The following MON2 variants were observed in gnomAD, a reference collection of about 807,000 sequenced individuals.
MON2 encodes the protein MON2 regulator of endosome-to-Golgi trafficking.
In MON2, 84 loss-of-function variants were observed where a neutral mutation model predicts 208.6. The ratio of observed to expected loss-of-function variants is 0.40; its 90% CI spans 0.34 to 0.48. MON2 has a LOEUF of 0.48. Ranked by LOEUF, MON2 falls within the 20% of genes least tolerant of loss-of-function variation. The pLI is 0.59. For synonymous variants in MON2, 660 were observed against 694.0 expected, an observed-to-expected ratio of 0.95 and a Z score of 0.77; for missense variants, 1,611 against 2,015.4, an observed-to-expected ratio of 0.80 and a Z score of 3.84.
At chr12:62,469,906 A>G (rs1565946318) in intron 1 of MON2, among the ~76,000 whole-genome samples, 1 of 32,282 alleles carries the variant, frequency 3.1e-5, no homozygotes, top group Non-Finnish European at 6.2e-5. Context: ...TTATTTATTT[A>G]TTTATTTATT....
intron 12 of MON2, among the ~76,000 whole-genome samples, chr12:62,533,360 T>G (rs1297462577): frequency 6.6e-6 from 1 of 152,246 alleles, no homozygotes; most frequent in East Asian, 1.9e-4. Flanking sequence ...GGAAAAATAC[T>G]TTCAGATTGC....
chr12:62,557,330 T>G (rs2074004959), intron 25 of MON2, among the ~76,000 whole-genome samples: 1 of 152,190 alleles, frequency 6.6e-6, no homozygotes, highest in Non-Finnish European at 1.5e-5. Flanking sequence ...ATAAGACATT[T>G]GGCAATTTTG....
rs867925865 is a variant in MON2, at chr12:62,560,637, G to C, written c.3556G>C (p.Glu1186Gln). 6.2e-7 allele frequency: 1 copy of C among 1,614,050 alleles called. No homozygotes were observed. Among genetic ancestry groups the C allele is most frequent in the South Asian group, 1.1e-5 (1 of 91,074 alleles). ...CCCTGTCAGAGACTCAGATAAGCCT[G>C]AGACACCACCTGTAGTTAATGTACC... ...VSPVRDSDKPETPPVVNVPVP... is the reference protein window; with the variant it reads ...VSPVRDSDKPQTPPVVNVPVP... The change falls in exon 26 of 35, where the codon GAG becomes CAG. Residue 1186 changes from glutamate to glutamine, a missense_variant. Physicochemically the swap from Glu to Gln is conservative, Grantham distance 29 (BLOSUM62 2). Coordinates refer to ENST00000393630, the MANE Select transcript of MON2 (RefSeq NM_015026.3).
chr12:62,580,245 T>G, intron 31 of MON2, 52 bp from the exon 32 acceptor site: 1 of 1,542,770 alleles, frequency 6.5e-7, no homozygotes, highest in East Asian at 2.3e-5. Flanking sequence ...AGAAATTATT[T>G]TAGTCTCTTT....
chr12:62,503,393 A>G lies in MON2; in HGVS notation c.789+1695A>G, dbSNP rs547826792. Among the ~76,000 whole-genome samples the G allele has an allele frequency of 2.0e-5, 3 of 152,266 alleles. No homozygotes were observed. In the South Asian group the frequency reaches 6.2e-4, roughly 32 times the overall value. On this transcript the variant is annotated intron_variant, in intron 7 of 34. Coordinates refer to ENST00000393630, the MANE Select transcript of MON2 (RefSeq NM_015026.3). ...CCAATCAGTTCTTACCACTTCTACA[A>G]TTATTCTAGTCTAAGCTACCATCAC...
chr12:62,576,167 A>G (rs1036373636), intron 30 of MON2, among the ~76,000 whole-genome samples: 2 of 152,178 alleles, frequency 1.3e-5, no homozygotes, highest in East Asian at 3.8e-4. Flanking sequence ...GCATGCTCAA[A>G]CATGGATGAA....
At position 62,598,097 on chromosome 12, in the gene MON2, A is replaced by G. The variant is rs985653598; in HGVS notation, c.*5348A>G. On this transcript the variant is annotated 3_prime_UTR_variant, in exon 35 of 35. Coordinates refer to ENST00000393630, the MANE Select transcript of MON2 (RefSeq NM_015026.3). ...TATTTTCATTTTTCTGTTGCAAAGC[A>G]GTCTTTGATGGAAGACCCGGAATCT... The G allele has an allele frequency of 2.6e-5, 4 of 152,162 alleles. No homozygotes were observed. The highest frequency in any genetic ancestry group is 2.6e-4 in the Admixed American group (4 of 15,274). 9.4% of individuals were successfully genotyped at this position (152,162 alleles called of 1,614,324 possible). A position where few individuals can be genotyped will look rare whatever the true frequency, so the allele number is the denominator to read the frequency against.
At chr12:62,495,663 C>A (rs1312063830) in intron 4 of MON2, among the ~76,000 whole-genome samples, 1 of 140,754 alleles carries the variant, frequency 7.1e-6, no homozygotes, top group Non-Finnish European at 1.5e-5. Context: ...GCACTCCAGC[C>A]TGGGCGACAG....
intron 27 of MON2, among the ~76,000 whole-genome samples, 166 bp downstream of exon 27, chr12:62,565,546 G>T (rs2074348518): frequency 6.6e-6 from 1 of 152,024 alleles, no homozygotes; most frequent in African/African-American, 2.4e-5. Context: ...ATATTGTTTG[G>T]GAAACTAGTT....
At position 62,597,851 on chromosome 12, in the gene MON2, G is replaced by C. The variant is rs1299535301; in HGVS notation, c.*5102G>C. On this transcript the variant is annotated 3_prime_UTR_variant, in exon 35 of 35. Transcript: ENST00000393630. ...GAGTATCACTTGAGGCCAGGAGTTT[G>C]AGACTAGCCTAGACAACATAGCAAG... The C allele has an allele frequency of 6.6e-6, 1 of 152,120 alleles. No individual in the cohort carries two copies. The highest frequency in any genetic ancestry group is 1.5e-5 in the Non-Finnish European group (1 of 68,044). 9.4% of individuals were successfully genotyped at this position (152,120 alleles called of 1,614,324 possible).
intron 8 of MON2, 47 bp from the exon 9 acceptor site, chr12:62,524,465 ATTC>A: frequency 6.8e-7 from 1 of 1,463,896 alleles, no homozygotes; most frequent in Non-Finnish European, 9.5e-7. Flanking sequence ...ACAGTCTATA[ATTC>A]TTCTCTTTGA....
chr12:62,552,056 A>C (rs1465277347), intron 23 of MON2, among the ~76,000 whole-genome samples: 1 of 152,200 alleles, frequency 6.6e-6, no homozygotes, highest in East Asian at 1.9e-4. Flanking sequence ...AACTAGTTAC[A>C]TAGCATTTAC....
In MON2 at chr12:62,566,380, T is replaced by A; in HGVS notation, c.4253T>A (p.Val1418Glu). ...PFAERSLEVV[V>E]DLYQKTACHK... ...GCTGAAAGGTCTTTAGAAGTAGTTG[T>A]GGATTTATACCAAAAAACAGCGTGT... Residue 1418 changes from valine (V) to glutamate (E), a missense_variant, in exon 29 of 35, where the codon GTG (valine) becomes GAG (glutamate). Val to Glu is a moderately radical substitution (Grantham distance 121). Transcript: ENST00000393630. The A allele has an allele frequency of 6.2e-7, 1 of 1,613,692 alleles. No homozygotes were observed. Among genetic ancestry groups the A allele is most frequent in the South Asian group, 1.1e-5 (1 of 91,052 alleles).
intron 1 of MON2, among the ~76,000 whole-genome samples, chr12:62,478,774 T>C (rs528649102): frequency 1.3e-5 from 2 of 152,296 alleles, no homozygotes; most frequent in South Asian, 2.1e-4. Context: ...CATTGAAGAA[T>C]TGAGACAGTG....
chr12:62,482,163 T>A (rs924857597), intron 1 of MON2, among the ~76,000 whole-genome samples: 13 of 152,326 alleles, frequency 8.5e-5, no homozygotes, highest in African/African-American at 3.1e-4. Flanking sequence ...GGTGGGTACA[T>A]CTCTGGGTAA....
Position 62,557,928 on chromosome 12 carries a change from TTATATA to T in MON2, c.3409+1766_3409+1771del, listed in dbSNP as rs71086609. ...TCTTAAAAGCTGAGAACGAATAGAT[TTATATA>T]TATATATATATATATATATATATAT... is the stretch of plus-strand genomic sequence containing the variant. On this transcript the variant is annotated intron_variant, in intron 25 of 34. Coordinates refer to ENST00000393630, the MANE Select transcript of MON2 (RefSeq NM_015026.3). Among the ~76,000 whole-genome samples, 128 of 46,104 alleles carry T rather than the reference TTATATA, an allele frequency of 2.8e-3. 2 individuals are homozygous for T. Among genetic ancestry groups the T allele is most frequent in the Middle Eastern group, 0.021 (1 of 48 alleles). 30.2% of individuals were successfully genotyped at this position (46,104 alleles called of 152,430 possible). A position where few individuals can be genotyped will look rare whatever the true frequency, so the allele number is the denominator to read the frequency against.
At position 62,600,174 on chromosome 12, in the gene MON2, A is replaced by G. The variant is rs2075595930; in HGVS notation, c.*7425A>G. ...CAGAATTCAAAATGTAGTGTGTTCT[A>G]AAGCGCTGTGCCTGGAGCATCATCA... On this transcript the variant is annotated 3_prime_UTR_variant, in exon 35 of 35. Coordinates refer to ENST00000393630, the MANE Select transcript of MON2 (RefSeq NM_015026.3). 1 of 152,210 alleles carries G rather than the reference A, an allele frequency of 6.6e-6. No individual in the cohort carries two copies. The highest frequency in any genetic ancestry group is 1.5e-5 in the Non-Finnish European group (1 of 68,038). 9.4% of individuals were successfully genotyped at this position (152,210 alleles called of 1,614,324 possible). A position where few individuals can be genotyped will look rare whatever the true frequency, so the allele number is the denominator to read the frequency against.
intron 8 of MON2, among the ~76,000 whole-genome samples, chr12:62,512,619 T>C (rs1341871652): frequency 2.0e-5 from 3 of 152,188 alleles, no homozygotes; most frequent in South Asian, 4.1e-4. Context: ...TGAGTGTCTG[T>C]GGGTCTTCCA....
chr12:62,587,996 T>A, intron 33 of MON2, 78 bp from the exon 34 acceptor site: 3 of 871,760 alleles, frequency 3.4e-6, no homozygotes, highest in Non-Finnish European at 5.6e-6. Flanking sequence ...CATCTATTTG[T>A]ACAAACTTAG....
Sources: gnomAD v4.1 joint callset for allele counts (sites outside exome capture counted in the v4.1 genomes callset) on GRCh38, gnomAD v4.1.1 for gene constraint, MANE v1.5 for transcripts, NCBI Gene and HGNC (gene_info 2026-07-23, HGNC 2026-07-21) for gene names.